TAS1R1: variants seen among roughly 807,000 people sequenced by gnomAD.
TAS1R1 encodes the protein taste 1 receptor member 1.
TAS1R1 carries 31 observed loss-of-function variants against 45.8 expected under a neutral mutation model. The observed-to-expected ratio is 0.68, with a 90% CI of 0.51 to 0.91. The LOEUF (loss-of-function observed/expected upper bound fraction) is 0.91. Ranked by LOEUF, TAS1R1 falls within the 40% of genes least tolerant of loss-of-function variation. The pLI is 0.00. For synonymous variants in TAS1R1, 437 were observed against 448.4 expected, an observed-to-expected ratio of 0.97 and a Z score of 0.32; for missense variants, 1,051 against 1,063.9, an observed-to-expected ratio of 0.99 and a Z score of 0.17.
intron 1 of TAS1R1, among the ~76,000 whole-genome samples, chr1:6,567,420 C>A (rs568348870): frequency 6.6e-6 from 1 of 152,020 alleles, no homozygotes; most frequent in Non-Finnish European, 1.5e-5. Context: ...ATTAGCCAGG[C>A]GTGGTGGTGT....
At chr1:6,561,627 A>C (rs1266796058) in intron 1 of TAS1R1, among the ~76,000 whole-genome samples, 1 of 152,082 alleles carries the variant, frequency 6.6e-6, no homozygotes, top group Non-Finnish European at 1.5e-5. Flanking sequence ...AGGCAGGAGA[A>C]TAGCCTGAAT....
chr1:6,577,624 A>T (rs984674992), intron 5 of TAS1R1, among the ~76,000 whole-genome samples: 3 of 151,912 alleles, frequency 2.0e-5, no homozygotes, highest in Non-Finnish European at 4.4e-5. Flanking sequence ...CAGGAGTTCG[A>T]GACCAGCCTG....
chr1:6,576,752 C>T (rs1282767693), intron 4 of TAS1R1, 125 bp downstream of exon 4: 1 of 1,374,170 alleles, frequency 7.3e-7, no homozygotes, highest in Non-Finnish European at 1.0e-6. Flanking sequence ...CACCACTCTA[C>T]CCATCCTGGC....
At chr1:6,558,557 T>A (rs1173895600) in intron 1 of TAS1R1, among the ~76,000 whole-genome samples, 2 of 151,990 alleles carry the variant, frequency 1.3e-5, no homozygotes, top group Non-Finnish European at 2.9e-5. Context: ...CCGCCTCTAC[T>A]AAAAATACAA....
chr1:6,579,623 C>T lies in TAS1R1; in HGVS notation c.*39C>T, dbSNP rs781439304. On this transcript the variant is annotated 3_prime_UTR_variant, in exon 6 of 6. Transcript: ENST00000333172. ...AGGCACGGCTGGCAGCCTTCTCTGCCCTGAGGGTCGAAGGTCGAGCAGGCC... is the reference window on the plus strand; with the variant it reads ...AGGCACGGCTGGCAGCCTTCTCTGCTCTGAGGGTCGAAGGTCGAGCAGGCC... The T allele has an allele frequency of 6.4e-7, 1 of 1,568,034 alleles. No homozygotes were observed. Among genetic ancestry groups the T allele is most frequent in the Admixed American group, 1.7e-5 (1 of 57,310 alleles).
Position 6,576,504 on chromosome 1 carries a change from C to A in TAS1R1, c.1350C>A (p.Asn450Lys). ...NDNRDPLSSY[N>K]IIAWDWNGPK... ...ACAGAGATCCCCTCAGTAGCTATAA[C>A]ATAATTGCCTGGGACTGGAATGGAC... The change falls in exon 4 of 6, where the codon AAC (asparagine) becomes AAA (lysine). Residue 450 changes from asparagine to lysine, a missense_variant. Transcript: ENST00000333172. 6.2e-7 allele frequency: 1 copy of A among 1,614,236 alleles called. No homozygotes were observed. Among genetic ancestry groups the A allele is most frequent in the Non-Finnish European group, 8.5e-7 (1 of 1,180,044 alleles).
At chr1:6,567,217 A>G (rs1309049587) in intron 1 of TAS1R1, among the ~76,000 whole-genome samples, 1 of 152,172 alleles carries the variant, frequency 6.6e-6, no homozygotes, top group African/African-American at 2.4e-5. Flanking sequence ...GTCAATCCCC[A>G]CAACTGAGAC....
chr1:6,574,504 C>A lies in TAS1R1; in HGVS notation c.499-127C>A. The A allele has an allele frequency of 8.2e-7, 1 of 1,218,192 alleles. No individual in the cohort carries two copies. The highest frequency in any genetic ancestry group is 1.1e-6 in the Non-Finnish European group (1 of 898,076). 75.5% of individuals were successfully genotyped at this position (1,218,192 alleles called of 1,614,324 possible). A position where few individuals can be genotyped will look rare whatever the true frequency, so the allele number is the denominator to read the frequency against. On this transcript the variant is annotated intron_variant, in intron 2 of 5. Transcript: ENST00000333172. The surrounding 1 kb of genome is among the most constrained non-coding windows in gnomAD (Gnocchi z 4.3). ...AGTGGAGCCTTCGCAGGTGATTTGT[C>A]AGTTTCACAGGCTGAGGGGTGCTCT...
Position 6,579,709 on chromosome 1 carries a change from G to A in TAS1R1, c.*125G>A. 7.5e-7 allele frequency: 1 copy of A among 1,335,056 alleles called. No individual in the cohort carries two copies. The highest frequency in any genetic ancestry group is 1.0e-6 in the Non-Finnish European group (1 of 1,002,536). 82.7% of individuals were successfully genotyped at this position (1,335,056 alleles called of 1,614,324 possible). ...GGGGTTGGGACGTGTAAGCGCCTGG[G>A]AGAGCCTAGACCAGGCTCCGGGCTG... On this transcript the variant is annotated 3_prime_UTR_variant, in exon 6 of 6. Transcript: ENST00000333172.
chr1:6,575,572 G>A (rs1640146957), intron 3 of TAS1R1, among the ~76,000 whole-genome samples, 180 bp downstream of exon 3: 1 of 152,154 alleles, frequency 6.6e-6, no homozygotes, highest in Non-Finnish European at 1.5e-5. Context: ...AGGCTGCAGT[G>A]TAGTGATGCG....
chr1:6,573,075 T>C (rs1640060011), intron 2 of TAS1R1, among the ~76,000 whole-genome samples: 1 of 152,194 alleles, frequency 6.6e-6, no homozygotes, highest in Non-Finnish European at 1.5e-5. Context: ...GATTCTCCCA[T>C]CAGTGTCCTA....
intron 2 of TAS1R1, among the ~76,000 whole-genome samples, chr1:6,572,191 T>G (rs1640035291): frequency 6.6e-6 from 1 of 152,160 alleles, no homozygotes; most frequent in Non-Finnish European, 1.5e-5. Context: ...ACTCTTGCTT[T>G]CGCTGTGAGC....
chr1:6,561,082 C>T (rs1404753826), intron 1 of TAS1R1, among the ~76,000 whole-genome samples: 1 of 151,602 alleles, frequency 6.6e-6, no homozygotes, highest in African/African-American at 2.4e-5. Flanking sequence ...TTGTACTGTC[C>T]CATGGGTGAA....
intron 1 of TAS1R1, among the ~76,000 whole-genome samples, chr1:6,559,253 C>T (rs539704199): frequency 3.3e-5 from 5 of 151,714 alleles, no homozygotes; most frequent in African/African-American, 1.2e-4. Context: ...TGCTCTCGAA[C>T]TTCTGGCCTC....
rs747210091 is a variant in TAS1R1 at position 6,579,505 on chromosome 1, T to C, written c.2447T>C (p.Leu816Pro). 1 of 1,613,950 alleles carries C rather than the reference T, an allele frequency of 6.2e-7. No homozygotes were observed. Among genetic ancestry groups the C allele is most frequent in the East Asian group, 2.2e-5 (1 of 44,884 alleles). Reference protein sequence around the residue: ...GYFLPKCYVILCRPDLNSTEH... With the variant: ...GYFLPKCYVIPCRPDLNSTEH... ...TTTCTGCCTAAGTGCTACGTGATCC[T>C]CTGCCGCCCAGACCTCAACAGCACA... Residue 816 changes from leucine (L) to proline (P), a missense_variant, in exon 6 of 6, where the codon CTC becomes CCC. Transcript: ENST00000333172.
intron 1 of TAS1R1, among the ~76,000 whole-genome samples, chr1:6,565,152 A>G (rs1395979004): frequency 6.6e-6 from 1 of 152,082 alleles, no homozygotes; most frequent in East Asian, 1.9e-4. Context: ...CAGGTGATTA[A>G]GCATCTCAGT....
chr1:6,557,891 T>C (rs564337564), intron 1 of TAS1R1, among the ~76,000 whole-genome samples: 7 of 152,198 alleles, frequency 4.6e-5, no homozygotes, highest in Non-Finnish European at 1.0e-4. Context: ...TAAACGGGGC[T>C]GAATCCTGTC....
intron 1 of TAS1R1, among the ~76,000 whole-genome samples, chr1:6,558,036 G>GT (rs779773064): frequency 0.041 from 5,807 of 140,358 alleles, 474 homozygotes; most frequent in African/African-American, 0.14. Flanking sequence ...GTAGTGGTTA[G>GT]TTTTTGTTTT....
At chr1:6,571,591 G>T (rs991025087) in intron 2 of TAS1R1, among the ~76,000 whole-genome samples, 3 of 152,174 alleles carry the variant, frequency 2.0e-5, no homozygotes, top group Non-Finnish European at 4.4e-5. Flanking sequence ...TGGGGAGGCT[G>T]GGCAGATCTC....
Sources: allele counts gnomAD v4.1 joint callset (sites outside exome capture counted in the v4.1 genomes callset), GRCh38; gene constraint gnomAD v4.1.1; non-coding constraint Gnocchi (gnomAD v3.1); transcripts MANE v1.5; gene names NCBI Gene and HGNC (gene_info 2026-07-23, HGNC 2026-07-21).